ATIC: variants seen among roughly 807,000 people sequenced by gnomAD.
The protein encoded by ATIC is 5-aminoimidazole-4-carboxamide ribonucleotide formyltransferase/IMP cyclohydrolase.
A neutral mutation model predicts 72.5 loss-of-function variants in ATIC; 64 were observed. That is an observed-to-expected ratio of 0.88 (90% CI 0.72 to 1.09). The LOEUF is 1.09. Among genes scored for constraint, ATIC ranks in the 50% least tolerant of loss-of-function variants. ATIC has a pLI of 0.00. For synonymous variants in ATIC, 281 were observed against 267.1 expected (o/e 1.05, Z -0.51); for missense variants, 787 against 732.4 (o/e 1.07, Z -0.86).
At chr2:215,364,546 A>G in the ATIC span, 1 of 400,314 alleles carries the variant, frequency 2.5e-6, no homozygotes, top group Non-Finnish European at 4.7e-6. Flanking sequence ...TGTAAATAGT[A>G]TCTCTGACAT....
At chr2:215,365,667 T>C in the ATIC span, 2,120 of 1,610,704 alleles carry the variant, frequency 1.3e-3, 2 homozygotes, top group Non-Finnish European at 1.6e-3. Context: ...AAAAAGTTAT[T>C]TGTATATTCT....
At chr2:215,333,974 G>A (rs1166148220) in intron 9 of ATIC, among the ~76,000 whole-genome samples, 2 of 151,244 alleles carry the variant, frequency 1.3e-5, no homozygotes, top group African/African-American at 4.9e-5. Context: ...CCCGGCAGGT[G>A]GAACTTGCAG....
At position 215,342,718 on chromosome 2, in the gene ATIC, T is replaced by C. The variant is rs189320945; in HGVS notation, c.1228-2061T>C. 1.5e-3 allele frequency among the ~76,000 whole-genome samples: 225 copies of C among 152,322 alleles called. 2 individuals carry two copies. The highest frequency in any genetic ancestry group is 5.3e-3 in the African/African-American group (220 of 41,582). ...TTGGGGAAACAGGGTCCAACTCTGT[T>C]GTCCAGGCTGGAGTGCAATGGCTCG... On this transcript the variant is annotated intron_variant, in intron 12 of 15. Coordinates refer to ENST00000236959, the MANE Select transcript of ATIC (RefSeq NM_004044.7).
At chr2:215,357,831 G>C in the ATIC span, among the ~76,000 whole-genome samples, 1 of 151,424 alleles carries the variant, frequency 6.6e-6, no homozygotes, top group Admixed American at 6.6e-5. Flanking sequence ...CCAAACATGG[G>C]AAGTCCCAAC....
chr2:215,312,499 C>T lies in ATIC; in HGVS notation c.21C>T (p.Ala7=), dbSNP rs1559264040. Reference sequence around the variant, plus strand: ...GAGAAAAAATGTCTTCTCTTTCAGCCTTATTTAGTGTCTCTGACAAAACCG... The same window carrying T: ...GAGAAAAAATGTCTTCTCTTTCAGCTTTATTTAGTGTCTCTGACAAAACCG... MAPGQL[A]LFSVSDKTGL... is the part of the protein sequence containing the mutation. The change falls in exon 2 of 16, where the codon GCC becomes GCT. Residue 7 remains alanine, a splice_region_variant and synonymous_variant. Transcript: ENST00000236959. 1 of 1,614,188 alleles carries T rather than the reference C, an allele frequency of 6.2e-7. No individual in the cohort carries two copies.
At chr2:215,364,198 CCT>C in the ATIC span, among the ~76,000 whole-genome samples, 2 of 152,238 alleles carry the variant, frequency 1.3e-5, no homozygotes, top group African/African-American at 4.8e-5. Flanking sequence ...TTTCTCATTT[CCT>C]CTGTTTTTCC....
chr2:215,350,488 A>G (rs902804987), downstream of ATIC, among the ~76,000 whole-genome samples: 1 of 150,612 alleles, frequency 6.6e-6, no homozygotes, highest in Non-Finnish European at 1.5e-5. Context: ...CTACTTTCCA[A>G]ACAAACAGCA....
At chr2:215,358,213 G>GT in the ATIC span, among the ~76,000 whole-genome samples, 1 of 132,572 alleles carries the variant, frequency 7.5e-6, no homozygotes, top group African/African-American at 2.5e-5. Flanking sequence ...AATATAAAAT[G>GT]TAACATTTTA....
chr2:215,359,612 C>A, the ATIC span, among the ~76,000 whole-genome samples: 1 of 152,118 alleles, frequency 6.6e-6, no homozygotes, highest in Non-Finnish European at 1.5e-5. Flanking sequence ...GTCTGTATTT[C>A]GCTAAGGAAA....
chr2:215,318,515 T>C (rs547917143), intron 3 of ATIC, among the ~76,000 whole-genome samples: 5 of 152,222 alleles, frequency 3.3e-5, no homozygotes, highest in African/African-American at 9.6e-5. Flanking sequence ...GCTGAAGATA[T>C]TTAGATTTCA....
At chr2:215,327,865 G>T (rs1414684151) in intron 7 of ATIC, among the ~76,000 whole-genome samples, 1 of 149,958 alleles carries the variant, frequency 6.7e-6, no homozygotes, top group Non-Finnish European at 1.5e-5. Flanking sequence ...CGTTTGCCGC[G>T]TTCTATTGTT....
chr2:215,325,294 T>C lies in ATIC; in HGVS notation c.344T>C (p.Val115Ala). The change falls in exon 5 of 16, where the codon GTA (valine) becomes GCA (alanine). Residue 115 changes from valine to alanine, a missense_variant. Val to Ala is a moderately conservative substitution (Grantham distance 64, BLOSUM62 0). Coordinates refer to ENST00000236959, the MANE Select transcript of ATIC (RefSeq NM_004044.7). ...PFVKTVASPG[V>A]TVEEAVEQID... ...GTAAAGACAGTGGCTTCTCCAGGTG[T>C]AACTGTTGAGGAGGCTGTGGAGCAA... 6.2e-7 allele frequency: 1 copy of C among 1,613,936 alleles called. No homozygotes were observed. The highest frequency in any genetic ancestry group is 8.5e-7 in the Non-Finnish European group (1 of 1,179,832).
chr2:215,320,778 A>G (rs937489021), intron 4 of ATIC, among the ~76,000 whole-genome samples: 1 of 152,046 alleles, frequency 6.6e-6, no homozygotes, highest in African/African-American at 2.4e-5. Flanking sequence ...ATGGGGTTTC[A>G]CCATGTTGGT....
At chr2:215,360,645 T>TATTA in the ATIC span, 6 of 152,536 alleles carry the variant, frequency 3.9e-5, no homozygotes, top group African/African-American at 1.2e-4. Context: ...CACTTAAATC[T>TATTA]ATTAAAGCAG....
chr2:215,361,916 A>G, the ATIC span: 756 of 1,603,712 alleles, frequency 4.7e-4, 3 homozygotes, highest in African/African-American at 9.4e-3. Context: ...AGATACCTGT[A>G]GAAAGAGACT....
At chr2:215,344,101 G>GT (rs1470996182) in intron 12 of ATIC, among the ~76,000 whole-genome samples, 1 of 152,182 alleles carries the variant, frequency 6.6e-6, no homozygotes, top group East Asian at 1.9e-4. Context: ...GGTTCTGAAC[G>GT]TAAATTTTAC....
downstream of ATIC, among the ~76,000 whole-genome samples, chr2:215,351,569 C>T (rs374088685): frequency 5.3e-5 from 8 of 152,086 alleles, no homozygotes; most frequent in South Asian, 1.0e-3. Context: ...GGCAACATAG[C>T]GACATCCTCA....
At chr2:215,363,984 A>G in the ATIC span, among the ~76,000 whole-genome samples, 1 of 152,182 alleles carries the variant, frequency 6.6e-6, no homozygotes, top group Non-Finnish European at 1.5e-5. Flanking sequence ...GCTCCTTTCT[A>G]TCCCAGGGGG....
chr2:215,351,728 G>A (rs1217515102), downstream of ATIC, among the ~76,000 whole-genome samples: 1 of 152,186 alleles, frequency 6.6e-6, no homozygotes, highest in Non-Finnish European at 1.5e-5. Flanking sequence ...TCTACTGAGG[G>A]GTATAACTCC....
Sources: gnomAD v4.1 joint callset for allele counts (sites outside exome capture counted in the v4.1 genomes callset) on GRCh38, gnomAD v4.1.1 for gene constraint, MANE v1.5 for transcripts, NCBI Gene and HGNC (gene_info 2026-07-23, HGNC 2026-07-21) for gene names.